ATP8B4: variants seen among roughly 807,000 people sequenced by gnomAD.
The protein encoded by ATP8B4 is ATPase phospholipid transporting 8B4 (putative).
ATP8B4 carries 133 observed loss-of-function variants against 145.6 expected under a neutral mutation model. The ratio of observed to expected loss-of-function variants is 0.91; its 90% CI spans 0.79 to 1.05. The LOEUF (loss-of-function observed/expected upper bound fraction) is 1.05, where lower values mean the gene tolerates loss of function less well. Among genes scored for constraint, ATP8B4 ranks in the 50% least tolerant of loss-of-function variants. The pLI, the probability that ATP8B4 is intolerant of heterozygous loss-of-function variation, is 0.00. For synonymous variants in ATP8B4, 507 were observed against 492.9 expected (o/e 1.03, Z -0.38); for missense variants, 1,458 against 1,425.2 (o/e 1.02, Z -0.37).
chr15:49,969,493 C>T (rs748654743), intron 13 of ATP8B4, among the ~76,000 whole-genome samples: 1 of 152,134 alleles, frequency 6.6e-6, no homozygotes, highest in Non-Finnish European at 1.5e-5. Flanking sequence ...ATACTATAAA[C>T]ACCTCTATGC....
At chr15:50,038,200 T>C (rs933294540) in intron 6 of ATP8B4, among the ~76,000 whole-genome samples, 4 of 152,192 alleles carry the variant, frequency 2.6e-5, no homozygotes, top group African/African-American at 4.8e-5. Flanking sequence ...TTTGCAGTCG[T>C]TTGTGGATAA....
At chr15:50,070,241 G>A (rs953363654) in intron 3 of ATP8B4, among the ~76,000 whole-genome samples, 5 of 151,852 alleles carry the variant, frequency 3.3e-5, no homozygotes, top group Admixed American at 2.6e-4. Context: ...CTTTAAAGCT[G>A]GGCAAGACTG....
intron 6 of ATP8B4, among the ~76,000 whole-genome samples, chr15:50,036,651 T>C (rs1237060468): frequency 2.6e-5 from 4 of 152,200 alleles, no homozygotes; most frequent in Non-Finnish European, 5.9e-5. Flanking sequence ...AAGCCCGTCT[T>C]GTAGGTTGCC....
At chr15:50,121,925 G>T (rs1318822959), upstream of ATP8B4, among the ~76,000 whole-genome samples, 3 of 152,084 alleles carry the variant, frequency 2.0e-5, no homozygotes, top group African/African-American at 7.2e-5. Context: ...AAGTATCTGA[G>T]CATTTGAGAG....
intron 2 of ATP8B4, among the ~76,000 whole-genome samples, chr15:50,091,706 A>AT (rs2055622949): frequency 6.6e-6 from 1 of 152,006 alleles, no homozygotes; most frequent in South Asian, 2.1e-4. Flanking sequence ...TCAACTTAAC[A>AT]TTTTTTTCAT....
chr15:50,109,894 G>C (rs2056857267), intron 1 of ATP8B4, among the ~76,000 whole-genome samples: 1 of 152,070 alleles, frequency 6.6e-6, no homozygotes, highest in East Asian at 1.9e-4. Context: ...AGATCTTCCT[G>C]CTAGCACTTC....
chr15:49,972,747 C>A lies in ATP8B4; in HGVS notation c.1078G>T (p.Asp360Tyr). ...RLGHSYFINW[D>Y]RKMYYSRKAI... ...TTTCGAGAATAATACATCTTCCGGT[C>A]CCAGTTTATAAAATAACTGTGTCCT... is the stretch of plus-strand genomic sequence containing the variant. Residue 360 changes from aspartate to tyrosine, a missense_variant, in exon 13 of 28, where the codon GAC becomes TAC. Transcript: ENST00000284509. 1.2e-6 allele frequency: 2 copies of A among 1,613,934 alleles called. No individual in the cohort carries two copies. The highest frequency in any genetic ancestry group is 1.7e-6 in the Non-Finnish European group (2 of 1,179,944).
chr15:50,021,361 A>C (rs2153581312), intron 6 of ATP8B4, among the ~76,000 whole-genome samples: 1 of 152,310 alleles, frequency 6.6e-6, no homozygotes, highest in South Asian at 2.1e-4. Flanking sequence ...AAAACCCTCC[A>C]GTAGCTTCTC....
chr15:49,898,293 A>G, intron 21 of ATP8B4, 42 bp from the exon 22 acceptor site: 2 of 1,563,920 alleles, frequency 1.3e-6, no homozygotes, highest in Non-Finnish European at 1.7e-6. Flanking sequence ...ACAGGAAACA[A>G]TAAATGAGGG....
intron 2 of ATP8B4, among the ~76,000 whole-genome samples, chr15:50,098,491 C>G (rs989660699): frequency 1.3e-5 from 2 of 151,228 alleles, no homozygotes; most frequent in Admixed American, 6.6e-5. Flanking sequence ...GCTATGTGGC[C>G]CAGGCTGGTC....
intron 24 of ATP8B4, among the ~76,000 whole-genome samples, chr15:49,878,300 CT>C (rs1003425685): frequency 1.3e-5 from 2 of 152,150 alleles, no homozygotes; most frequent in African/African-American, 4.8e-5. Context: ...AAGTTCATTA[CT>C]TTTTTGTATA....
At chr15:50,039,617 T>C (rs2051116572) in intron 5 of ATP8B4, among the ~76,000 whole-genome samples, 2 of 152,240 alleles carry the variant, frequency 1.3e-5, no homozygotes, top group Admixed American at 1.3e-4. Context: ...TAGGCTATAA[T>C]ATAGTTATTT....
chr15:50,044,719 G>C, intron 4 of ATP8B4, 27 bp from the exon 5 acceptor site: 1 of 1,538,950 alleles, frequency 6.5e-7, no homozygotes, highest in Non-Finnish European at 9.0e-7. Flanking sequence ...AAATAGTTTA[G>C]GGCTTTTAAA....
chr15:50,099,238 C>G (rs983663724), intron 2 of ATP8B4, among the ~76,000 whole-genome samples: 2 of 152,204 alleles, frequency 1.3e-5, no homozygotes, highest in Admixed American at 6.5e-5. Context: ...CATAAACAAC[C>G]TTCTTCCTGA....
chr15:49,904,232 C>A (rs988603768), intron 20 of ATP8B4, among the ~76,000 whole-genome samples: 3 of 152,168 alleles, frequency 2.0e-5, no homozygotes, highest in Non-Finnish European at 4.4e-5. Context: ...TTTTAAGGGA[C>A]AGCACTACCC....
intron 14 of ATP8B4, among the ~76,000 whole-genome samples, chr15:49,948,986 G>A (rs931651340): frequency 6.6e-6 from 1 of 152,076 alleles, no homozygotes; most frequent in Non-Finnish European, 1.5e-5. Flanking sequence ...GTAAATGTGT[G>A]GTCTTATTTG....
At chr15:49,931,343 T>C in intron 15 of ATP8B4, 36 bp from the exon 16 acceptor site, 1 of 1,570,216 alleles carries the variant, frequency 6.4e-7, no homozygotes, top group South Asian at 1.1e-5. Flanking sequence ...CAATACTGAC[T>C]AACAGCTAAC....
chr15:50,081,172 C>G (rs1215113262), intron 2 of ATP8B4, among the ~76,000 whole-genome samples: 3 of 150,196 alleles, frequency 2.0e-5, no homozygotes, highest in African/African-American at 7.4e-5. Context: ...CTTGAGACAA[C>G]AAGAGCCAAT....
intron 3 of ATP8B4, among the ~76,000 whole-genome samples, chr15:50,051,496 G>A (rs2052183107): frequency 6.6e-6 from 1 of 152,146 alleles, no homozygotes; most frequent in Admixed American, 6.5e-5. Context: ...TTGGTCTGAT[G>A]CACATTAATG....
Sources: gnomAD v4.1 joint callset for allele counts (sites outside exome capture counted in the v4.1 genomes callset) on GRCh38, gnomAD v4.1.1 for gene constraint, MANE v1.5 for transcripts, NCBI Gene and HGNC (gene_info 2026-07-23, HGNC 2026-07-21) for gene names.